The following NBEA variants were observed in gnomAD, a reference collection of about 807,000 sequenced individuals.
NBEA encodes the protein lysosomal-trafficking regulator 2.
Under a neutral mutation model 343.4 loss-of-function variants are expected in NBEA, and 44 were observed. The ratio of observed to expected loss-of-function variants is 0.13; its 90% CI spans 0.10 to 0.16. NBEA has a LOEUF of 0.16. NBEA is among the 10% of genes least tolerant of loss of function. The pLI is 1.00. For synonymous variants in NBEA, 1,175 were observed against 1,238.7 expected, an observed-to-expected ratio of 0.95 and a Z score of 1.08; for missense variants, 2,555 against 3,631.3, an observed-to-expected ratio of 0.70 and a Z score of 7.62.
intron 1 of NBEA, among the ~76,000 whole-genome samples, chr13:34,967,489 T>C (rs528668243): frequency 1.3e-5 from 2 of 152,130 alleles, no homozygotes; most frequent in Admixed American, 1.3e-4. Flanking sequence ...AAGGATTTGA[T>C]GCTAAGGCTA....
chr13:35,559,331 T>G (rs1255072609), intron 44 of NBEA, among the ~76,000 whole-genome samples: 1 of 152,202 alleles, frequency 6.6e-6, no homozygotes, highest in African/African-American at 2.4e-5. Context: ...CCAGTATCAC[T>G]TTAACGAACA....
In NBEA at chr13:35,272,178, C is replaced by CAGA. The variant is rs547720046; in HGVS notation, c.5777-18207_5777-18205dup. Among the ~76,000 whole-genome samples the CAGA allele has an allele frequency of 9.2e-5, 14 of 152,300 alleles. No individual in the cohort carries two copies. The South Asian group carries it at 1.7e-3, about 18-fold the overall frequency. On this transcript the variant is annotated intron_variant, in intron 34 of 58. Transcript: ENST00000379939. The stretch of plus-strand genomic sequence containing the variant: ...ATATCTCTGCAGAAACCCTACAAGC[C>CAGA]AGAAGAGAGTGGGGCCAATATTCAA...
chr13:35,236,871 A>C (rs1027121317), intron 34 of NBEA, among the ~76,000 whole-genome samples: 6 of 152,166 alleles, frequency 3.9e-5, no homozygotes, highest in Middle Eastern at 3.4e-3. Context: ...TTTTACTTAC[A>C]TAATATTAAT....
chr13:35,492,368 G>A (rs1205350670), intron 41 of NBEA, among the ~76,000 whole-genome samples: 1 of 151,982 alleles, frequency 6.6e-6, no homozygotes, highest in Non-Finnish European at 1.5e-5. Flanking sequence ...AGAAATAAAG[G>A]AAATGCAAGA....
In NBEA at chr13:35,653,093, C is replaced by T. The variant is rs549210405; in HGVS notation, c.8035+1217C>T. ...ACTGATGAGCTATAACTCTTTGCAG[C>T]AGACATTCAAAATATTTTTAAATAA... On this transcript the variant is annotated intron_variant, in intron 53 of 58. Coordinates refer to ENST00000379939, the MANE Select transcript of NBEA (RefSeq NM_001385012.1). Among the ~76,000 whole-genome samples, 34 of 152,226 alleles carry T rather than the reference C, an allele frequency of 2.2e-4. No homozygotes were observed. In the South Asian group the frequency reaches 2.5e-3, roughly 11 times the overall value.
intron 18 of NBEA, among the ~76,000 whole-genome samples, chr13:35,144,960 A>T (rs896145268): frequency 3.9e-5 from 6 of 152,210 alleles, no homozygotes; most frequent in African/African-American, 1.4e-4. Flanking sequence ...CACAGTTGGT[A>T]GGTATCCTTT....
intron 38 of NBEA, among the ~76,000 whole-genome samples, chr13:35,370,300 T>C (rs376797545): frequency 6.6e-6 from 1 of 152,160 alleles, no homozygotes; most frequent in East Asian, 1.9e-4. Flanking sequence ...CTTTGTCTTT[T>C]GTTTTTATTG....
chr13:35,308,512 G>A (rs534076519), intron 35 of NBEA, among the ~76,000 whole-genome samples: 4,193 of 95,170 alleles, frequency 0.044, 132 homozygotes, highest in South Asian at 0.073. Context: ...ATATATATAT[G>A]TGTATATATG....
At chr13:35,325,540 A>G (rs1400523526) in intron 36 of NBEA, among the ~76,000 whole-genome samples, 1 of 152,068 alleles carries the variant, frequency 6.6e-6, no homozygotes, top group East Asian at 1.9e-4. Context: ...ACGCCAGAAA[A>G]AGACATAACA....
chr13:35,351,169 G>A (rs1208922588), intron 37 of NBEA, among the ~76,000 whole-genome samples: 1 of 151,842 alleles, frequency 6.6e-6, no homozygotes, highest in Non-Finnish European at 1.5e-5. Flanking sequence ...AGAGGAATAT[G>A]TTCAAGTACC....
In NBEA at chr13:35,115,933, A is replaced by G. The variant is rs111369075; in HGVS notation, c.2003-1481A>G. 4.1e-4 allele frequency among the ~76,000 whole-genome samples: 63 copies of G among 152,302 alleles called. 1 individual carries two copies. Among genetic ancestry groups the G allele is most frequent in the African/African-American group, 1.4e-3 (57 of 41,560 alleles). ...ACAGAGATGTTATAAAACTGGTCCA[A>G]TTTTATTAATTGGTAGCAGAAATAG... is the stretch of plus-strand genomic sequence containing the variant. On this transcript the variant is annotated intron_variant, in intron 13 of 58. Coordinates refer to ENST00000379939, the MANE Select transcript of NBEA (RefSeq NM_001385012.1).
At chr13:35,081,093 C>T (rs936765379) in intron 10 of NBEA, among the ~76,000 whole-genome samples, 6 of 152,030 alleles carry the variant, frequency 3.9e-5, no homozygotes, top group Non-Finnish European at 8.8e-5. Flanking sequence ...ATAAATGCTT[C>T]GTAGTATGGC....
At chr13:35,191,709 ATAT>A in intron 30 of NBEA, among the ~76,000 whole-genome samples, 1 of 152,182 alleles carries the variant, frequency 6.6e-6, no homozygotes, top group Admixed American at 6.5e-5. Flanking sequence ...TAGTTTGCTT[ATAT>A]TATTATTTGA....
intron 49 of NBEA, among the ~76,000 whole-genome samples, chr13:35,644,233 T>C (rs1238470237): frequency 6.6e-6 from 1 of 152,184 alleles, no homozygotes; most frequent in African/African-American, 2.4e-5. Flanking sequence ...CTGACTGTCT[T>C]AATGAAAGGA....
At chr13:34,974,440 T>G (rs2060099504) in intron 1 of NBEA, among the ~76,000 whole-genome samples, 1 of 152,236 alleles carries the variant, frequency 6.6e-6, no homozygotes, top group East Asian at 1.9e-4. Flanking sequence ...GTTTCATTTC[T>G]TAGTATATGT....
intron 38 of NBEA, among the ~76,000 whole-genome samples, chr13:35,370,407 T>A (rs1482102154): frequency 1.3e-5 from 2 of 152,060 alleles, no homozygotes; most frequent in Non-Finnish European, 2.9e-5. Context: ...CATTCCTTTA[T>A]TTTTAGTCTG....
chr13:35,622,285 G>C (rs2083028331), intron 48 of NBEA, among the ~76,000 whole-genome samples: 1 of 152,182 alleles, frequency 6.6e-6, no homozygotes, highest in Non-Finnish European at 1.5e-5. Flanking sequence ...GTGGGGAAAG[G>C]TGGGATGGAG....
intron 41 of NBEA, among the ~76,000 whole-genome samples, chr13:35,529,248 T>C (rs746334622): frequency 6.6e-6 from 1 of 152,198 alleles, no homozygotes; most frequent in Non-Finnish European, 1.5e-5. Context: ...ATATTTTCAG[T>C]AGTGACATTT....
At chr13:35,493,469 A>G (rs1177950329) in intron 41 of NBEA, among the ~76,000 whole-genome samples, 1 of 151,938 alleles carries the variant, frequency 6.6e-6, no homozygotes, top group Non-Finnish European at 1.5e-5. Flanking sequence ...GTGATAATCC[A>G]CTTTAGTATA....
Sources: gnomAD v4.1 joint callset for allele counts (sites outside exome capture counted in the v4.1 genomes callset) on GRCh38, gnomAD v4.1.1 for gene constraint, MANE v1.5 for transcripts, NCBI Gene and HGNC (gene_info 2026-07-23, HGNC 2026-07-21) for gene names.